The following NRG3 variants were observed in gnomAD, a reference collection of about 807,000 sequenced individuals.
The protein encoded by NRG3 is pro-neuregulin-3, membrane-bound isoform.
Under a neutral mutation model 66.9 loss-of-function variants are expected in NRG3, and 31 were observed. The observed-to-expected ratio is 0.46, with a 90% confidence interval of 0.35 to 0.63. NRG3 has a LOEUF of 0.63. Ranked by LOEUF, NRG3 falls within the 20% of genes least tolerant of loss-of-function variation. The probability of loss-of-function intolerance (pLI) is 0.00; values close to 1 mark genes in which losing one functional copy is unlikely to be tolerated. For synonymous variants in NRG3, 393 were observed against 359.4 expected (o/e 1.09, Z -1.06); for missense variants, 910 against 878.9 (o/e 1.04, Z -0.45).
intron 2 of NRG3, among the ~76,000 whole-genome samples, chr10:82,633,619 C>G (rs2049990607): frequency 6.6e-6 from 1 of 152,082 alleles, no homozygotes; most frequent in South Asian, 2.1e-4. Context: ...GTCAAGATGT[C>G]CAAGCATCAG....
chr10:82,201,850 C>A (rs2074843679), intron 1 of NRG3, among the ~76,000 whole-genome samples: 1 of 152,110 alleles, frequency 6.6e-6, no homozygotes, highest in African/African-American at 2.4e-5. Context: ...ACATTCATTT[C>A]ATCGTTCATT....
intron 1 of NRG3, among the ~76,000 whole-genome samples, chr10:82,264,081 C>T (rs2078171560): frequency 6.6e-6 from 1 of 152,078 alleles, no homozygotes; most frequent in Non-Finnish European, 1.5e-5. Flanking sequence ...GAAAATGTCA[C>T]ATAGGCATTG....
At chr10:82,599,544 G>A (rs1008629140) in intron 2 of NRG3, among the ~76,000 whole-genome samples, 1 of 152,170 alleles carries the variant, frequency 6.6e-6, no homozygotes. Context: ...GCCGGGCGCC[G>A]GGGCTCACGC....
rs536397599 is a variant in NRG3, at chr10:82,767,176, C to G, written c.1027+28526C>G. Among the ~76,000 whole-genome samples the G allele has an allele frequency of 2.0e-5, 3 of 152,084 alleles. No homozygotes were observed. The South Asian group carries it at 6.2e-4, about 32-fold the overall frequency. ...TAGCAACTCTATTAATTCTCTCCCT[C>G]CAATACTCACAGTGACCAGTTATTT... is the stretch of plus-strand genomic sequence containing the variant. On this transcript the variant is annotated intron_variant, in intron 3 of 8. Transcript: ENST00000372141.
intron 2 of NRG3, among the ~76,000 whole-genome samples, chr10:82,471,558 CA>C (rs1331019651): frequency 6.6e-6 from 1 of 152,046 alleles, no homozygotes; most frequent in Non-Finnish European, 1.5e-5. Context: ...TACTTTTTCT[CA>C]AAGAAAAATT....
chr10:82,196,033 A>T (rs2074430301), intron 1 of NRG3, among the ~76,000 whole-genome samples: 1 of 152,192 alleles, frequency 6.6e-6, no homozygotes, highest in Non-Finnish European at 1.5e-5. Context: ...TGCTGTTTTA[A>T]GCCATAAATT....
chr10:82,121,723 A>G (rs2068104072), intron 1 of NRG3, among the ~76,000 whole-genome samples: 2 of 152,124 alleles, frequency 1.3e-5, no homozygotes. Flanking sequence ...AGCTCACTGC[A>G]GCCTCAAACT....
rs988217467 is a variant in NRG3 at position 82,290,636 on chromosome 10, T to C, written c.824-68103T>C. Among the ~76,000 whole-genome samples, 8 of 117,530 alleles carry C rather than the reference T, an allele frequency of 6.8e-5. 1 individual carries two copies. The highest frequency in any genetic ancestry group is 3.9e-4 in the African/African-American group (8 of 20,500). 77.1% of individuals were successfully genotyped at this position (117,530 alleles called of 152,430 possible). A position where few individuals can be genotyped will look rare whatever the true frequency, so the allele number is the denominator to read the frequency against. On this transcript the variant is annotated intron_variant, in intron 1 of 8. Transcript: ENST00000372141. ...ATTAGCAGTGCTCAATGACTTCAAA[T>C]GATTTTTTTTTTTTTTGAGATGGAG...
At chr10:82,435,667 A>G (rs375793386) in intron 2 of NRG3, among the ~76,000 whole-genome samples, 243 of 152,112 alleles carry the variant, frequency 1.6e-3, no homozygotes, top group Middle Eastern at 0.01. Context: ...CATTGGTTTC[A>G]AAGAACTTCT....
In NRG3 at chr10:82,288,506, C is replaced by T. The variant is rs561686430; in HGVS notation, c.824-70233C>T. On this transcript the variant is annotated intron_variant, in intron 1 of 8. Coordinates refer to ENST00000372141, the MANE Select transcript of NRG3 (RefSeq NM_001010848.4). Reference sequence around the variant, plus strand: ...GGCAGCAAGGAGGAGGCAGCCTGAACATGGGCCAGGATGCTGTGCCGTGTG... The same window carrying T: ...GGCAGCAAGGAGGAGGCAGCCTGAATATGGGCCAGGATGCTGTGCCGTGTG... Among the ~76,000 whole-genome samples, 144 of 152,290 alleles carry T rather than the reference C, an allele frequency of 9.5e-4. 2 individuals are homozygous for T. In the Middle Eastern group the frequency reaches 0.037, roughly 40 times the overall value.
intron 1 of NRG3, among the ~76,000 whole-genome samples, chr10:82,279,292 G>A (rs1467232625): frequency 6.6e-6 from 1 of 152,128 alleles, no homozygotes; most frequent in Non-Finnish European, 1.5e-5. Context: ...CAGCTCTCCA[G>A]GTTTTTCATC....
intron 3 of NRG3, among the ~76,000 whole-genome samples, chr10:82,804,905 C>T (rs150875730): frequency 7.7e-4 from 118 of 152,324 alleles, no homozygotes; most frequent in Middle Eastern, 3.4e-3. Flanking sequence ...TTGATCCATA[C>T]TTTATCTAAT....
intron 1 of NRG3, among the ~76,000 whole-genome samples, chr10:82,008,590 T>G (rs1289628710): frequency 6.6e-6 from 1 of 152,182 alleles, no homozygotes; most frequent in Non-Finnish European, 1.5e-5. Context: ...TACAGAGCTA[T>G]TCAAGATCAT....
intron 1 of NRG3, among the ~76,000 whole-genome samples, chr10:82,205,423 A>G (rs973593248): frequency 6.6e-6 from 1 of 152,222 alleles, no homozygotes; most frequent in African/African-American, 2.4e-5. Context: ...AAAGATAGCC[A>G]GACAGACTCC....
At chr10:82,742,795 T>G (rs2058481238) in intron 3 of NRG3, among the ~76,000 whole-genome samples, 1 of 152,116 alleles carries the variant, frequency 6.6e-6, no homozygotes, top group African/African-American at 2.4e-5. Context: ...TTTTCCTTCC[T>G]TACTACCCAT....
At chr10:82,324,921 A>G (rs1235478092) in intron 1 of NRG3, among the ~76,000 whole-genome samples, 2 of 152,162 alleles carry the variant, frequency 1.3e-5, no homozygotes, top group African/African-American at 4.8e-5. Context: ...AATTTTTTCA[A>G]GTTGGTTGAC....
At chr10:82,610,587 G>T (rs1329642569) in intron 2 of NRG3, among the ~76,000 whole-genome samples, 1 of 152,152 alleles carries the variant, frequency 6.6e-6, no homozygotes, top group Non-Finnish European at 1.5e-5. Context: ...TTGGCTAAGA[G>T]TGAAGAATTC....
At chr10:82,625,196 T>C (rs1001543487) in intron 2 of NRG3, among the ~76,000 whole-genome samples, 5 of 151,972 alleles carry the variant, frequency 3.3e-5, no homozygotes, top group Non-Finnish European at 5.9e-5. Context: ...CTCTCAAGGC[T>C]AACTTCCTCT....
intron 1 of NRG3, among the ~76,000 whole-genome samples, chr10:81,919,031 A>G (rs1845995710): frequency 6.6e-6 from 1 of 151,892 alleles, no homozygotes; most frequent in African/African-American, 2.4e-5. Flanking sequence ...CTTTGGTTCA[A>G]TTATACTATA....
Sources: allele counts gnomAD v4.1 joint callset (sites outside exome capture counted in the v4.1 genomes callset), GRCh38; gene constraint gnomAD v4.1.1; transcripts MANE v1.5; gene names NCBI Gene and HGNC (gene_info 2026-07-23, HGNC 2026-07-21).